The following ADAM12 variants were observed in gnomAD, a reference collection of about 807,000 sequenced individuals.
ADAM12 encodes the protein ADAM metallopeptidase domain 12, also known as disintegrin and metalloproteinase domain-containing protein 12.
Under a neutral mutation model 106.4 loss-of-function variants are expected in ADAM12, and 70 were observed. The ratio of observed to expected loss-of-function variants is 0.66; its 90% CI spans 0.54 to 0.80. The LOEUF (loss-of-function observed/expected upper bound fraction) is 0.80. Ranked by LOEUF, ADAM12 falls within the 30% of genes least tolerant of loss-of-function variation. The pLI, the probability that ADAM12 is intolerant of heterozygous loss-of-function variation, is 0.00. For missense variants in ADAM12, 1,010 were observed against 1,171.9 expected, an observed-to-expected ratio of 0.86 and a Z score of 2.02; for synonymous variants, 420 against 433.5, an observed-to-expected ratio of 0.97 and a Z score of 0.39.
intron 2 of ADAM12, among the ~76,000 whole-genome samples, chr10:126,327,496 C>G (rs1250766050): frequency 6.6e-6 from 1 of 152,014 alleles, no homozygotes. Context: ...AGTGGTTCAG[C>G]CTATAATCCC....
At chr10:126,023,568 T>C (rs992355761) in intron 21 of ADAM12, among the ~76,000 whole-genome samples, 1 of 152,148 alleles carries the variant, frequency 6.6e-6, no homozygotes, top group Non-Finnish European at 1.5e-5. Context: ...TCTTCCTGAC[T>C]CCTCTCCATT....
At chr10:126,054,438 TGA>T (rs1387181429) in intron 14 of ADAM12, among the ~76,000 whole-genome samples, 1 of 152,234 alleles carries the variant, frequency 6.6e-6, no homozygotes, top group Non-Finnish European at 1.5e-5. Context: ...AAGGTGTGGC[TGA>T]GAGAGTGACA....
At chr10:126,251,289 T>A (rs1958741276) in intron 3 of ADAM12, among the ~76,000 whole-genome samples, 1 of 152,232 alleles carries the variant, frequency 6.6e-6, no homozygotes, top group Non-Finnish European at 1.5e-5. Flanking sequence ...GTCAGCAGTG[T>A]GCATTTGTCT....
intron 1 of ADAM12, among the ~76,000 whole-genome samples, chr10:126,378,960 G>T (rs577761577): frequency 6.6e-6 from 1 of 152,068 alleles, no homozygotes; most frequent in Non-Finnish European, 1.5e-5. Flanking sequence ...TTCCATAGGC[G>T]GACAACAGCT....
rs1953647843 is a variant in ADAM12 at position 126,015,556 on chromosome 10, TC to T, written c.*1722del. On this transcript the variant is annotated 3_prime_UTR_variant, in exon 23 of 23. Transcript: ENST00000448723. ...GAGTTGGAATGTATTAGAGCTGGGT[TC>T]CCTTTTGTGTGTGTTTGTGTCACGT... The T allele has an allele frequency of 6.6e-6, 1 of 152,202 alleles. No homozygotes were observed. The highest frequency in any genetic ancestry group is 6.5e-5 in the Admixed American group (1 of 15,276). 9.4% of individuals were successfully genotyped at this position (152,202 alleles called of 1,614,324 possible). A position where few individuals can be genotyped will look rare whatever the true frequency, so the allele number is the denominator to read the frequency against.
chr10:126,038,310 G>A lies in ADAM12; in HGVS notation c.2280C>T (p.Pro760=), dbSNP rs1447676029. 2 of 1,609,824 alleles carry A rather than the reference G, an allele frequency of 1.2e-6. No homozygotes were observed. Among genetic ancestry groups the A allele is most frequent in the Non-Finnish European group, 1.7e-6 (2 of 1,177,530 alleles). The change falls in exon 20 of 23, where the codon CCC becomes CCT. Residue 760 remains proline (P), a synonymous_variant. Transcript: ENST00000448723. ...RPSRPPRGFQ[P]CQAHLGHLGK... is the part of the protein sequence containing the mutation. ...CAAGGTGGCCGAGGTGAGCCTGACA[G>A]GGTTGGAAGCCACGGGGTGGCCGGG...
rs1180354766 is a variant in ADAM12 at position 126,014,245 on chromosome 10, C to T, written c.*3034G>A. On this transcript the variant is annotated 3_prime_UTR_variant, in exon 23 of 23. Transcript: ENST00000448723. ...TGCTCAGCCCTGCCAGTCGGCCCAG[C>T]ACCAGGCTCTTTTTAGCACCGTGGA... 1 of 150,864 alleles carries T rather than the reference C, an allele frequency of 6.6e-6. No individual in the cohort carries two copies. The highest frequency in any genetic ancestry group is 1.5e-5 in the Non-Finnish European group (1 of 68,008). 9.3% of individuals were successfully genotyped at this position (150,864 alleles called of 1,614,324 possible).
chr10:126,022,090 G>T (rs1024590176), intron 21 of ADAM12, among the ~76,000 whole-genome samples: 2 of 152,152 alleles, frequency 1.3e-5, no homozygotes, highest in African/African-American at 4.8e-5. Context: ...TTGCAATGCT[G>T]GAGAAAAAGT....
At position 126,066,156 on chromosome 10, in the gene ADAM12, G is replaced by C. The variant is rs948976715; in HGVS notation, c.1413+561C>G. 3.3e-5 allele frequency among the ~76,000 whole-genome samples: 5 copies of C among 152,184 alleles called. No homozygotes were observed. Among genetic ancestry groups the C allele is most frequent in the African/African-American group, 1.2e-4 (5 of 41,440 alleles). On this transcript the variant is annotated intron_variant, in intron 13 of 22. Transcript: ENST00000448723. The surrounding 1 kb of genome is among the most constrained non-coding windows in gnomAD (Gnocchi z 5.1). The stretch of plus-strand genomic sequence containing the variant: ...CTCTCAGATATCAGCTCTGAATAAT[G>C]AGACAATGGAACTGCCAAAAGAAAC...
intron 3 of ADAM12, among the ~76,000 whole-genome samples, chr10:126,191,305 TTTA>T (rs1957496710): frequency 6.6e-6 from 1 of 152,090 alleles, no homozygotes; most frequent in Admixed American, 6.6e-5. Flanking sequence ...ATGAGGAGCC[TTTA>T]TGGGGTTATA....
rs67514376 is a variant in ADAM12, at chr10:126,311,094, T to TACACACACACACAC, written c.186+19304_186+19317dup. 3.0e-3 allele frequency among the ~76,000 whole-genome samples: 418 copies of TACACACACACACAC among 138,520 alleles called. 1 individual carries two copies. Among genetic ancestry groups the TACACACACACACAC allele is most frequent in the Admixed American group, 4.6e-3 (63 of 13,794 alleles). 90.9% of individuals were successfully genotyped at this position (138,520 alleles called of 152,430 possible). A position where few individuals can be genotyped will look rare whatever the true frequency, so the allele number is the denominator to read the frequency against. On this transcript the variant is annotated intron_variant, in intron 2 of 22. Coordinates refer to ENST00000448723, the MANE Select transcript of ADAM12 (RefSeq NM_001288973.2). ...CTTCCTCATTATACATACACACAAA[T>TACACACACACACAC]ACACACACACACACACACACACACA... is the stretch of plus-strand genomic sequence containing the variant.
At chr10:126,200,588 T>C (rs2930125) in intron 3 of ADAM12, among the ~76,000 whole-genome samples, 63,879 of 151,992 alleles carry the variant, frequency 0.42, 18,582 homozygotes, top group African/African-American at 0.8. Flanking sequence ...GTTCCCACAC[T>C]GTGGAGCTGC....
chr10:126,255,068 C>A (rs543310553), intron 3 of ADAM12, among the ~76,000 whole-genome samples: 1 of 152,304 alleles, frequency 6.6e-6, no homozygotes, highest in East Asian at 1.9e-4. Flanking sequence ...GTGGGGTCAG[C>A]TTGGACAGCT....
intron 3 of ADAM12, among the ~76,000 whole-genome samples, chr10:126,250,749 C>A (rs1184536395): frequency 6.6e-6 from 1 of 152,180 alleles, no homozygotes; most frequent in Non-Finnish European, 1.5e-5. Flanking sequence ...CCAATTTCCT[C>A]CAGTGGAAAG....
intron 1 of ADAM12, among the ~76,000 whole-genome samples, chr10:126,378,475 A>G (rs1014822598): frequency 2.6e-5 from 4 of 152,208 alleles, no homozygotes; most frequent in African/African-American, 9.6e-5. Flanking sequence ...ATATATATTG[A>G]TTTTTTAAAA....
chr10:126,297,486 G>A (rs1435946897), intron 2 of ADAM12, among the ~76,000 whole-genome samples: 1 of 152,182 alleles, frequency 6.6e-6, no homozygotes, highest in African/African-American at 2.4e-5. Context: ...AGAGTTTAAG[G>A]CTGCAGTGAG....
intron 21 of ADAM12, among the ~76,000 whole-genome samples, chr10:126,025,987 C>T (rs142041571): frequency 0.017 from 2,539 of 152,264 alleles, 41 homozygotes; most frequent in Non-Finnish European, 0.027. Flanking sequence ...GCTAGAAGAG[C>T]TTGGGGACCA....
At chr10:126,289,767 A>G (rs1960061416) in intron 2 of ADAM12, among the ~76,000 whole-genome samples, 1 of 152,204 alleles carries the variant, frequency 6.6e-6, no homozygotes, top group African/African-American at 2.4e-5. Flanking sequence ...CTCAGGCTAG[A>G]AGGCTACGGT....
At chr10:126,187,745 GC>G (rs1285403284) in intron 3 of ADAM12, among the ~76,000 whole-genome samples, 1 of 152,210 alleles carries the variant, frequency 6.6e-6, no homozygotes, top group African/African-American at 2.4e-5. Flanking sequence ...CAGCACGCTG[GC>G]CACAGTGCAC....
Sources: gnomAD v4.1 joint callset for allele counts (sites outside exome capture counted in the v4.1 genomes callset) on GRCh38, gnomAD v4.1.1 for gene constraint, Gnocchi (gnomAD v3.1) non-coding constraint, MANE v1.5 for transcripts, NCBI Gene and HGNC (gene_info 2026-07-23, HGNC 2026-07-21) for gene names.